ASB11: variants seen among roughly 807,000 people sequenced by gnomAD.
ASB11 encodes ankyrin repeat and SOCS box containing 11.
Under a neutral mutation model 20.1 loss-of-function variants are expected in ASB11, and 17 were observed. The observed-to-expected ratio is 0.85, with a 90% CI of 0.58 to 1.27. The LOEUF (loss-of-function observed/expected upper bound fraction) is 1.27. Ranked by LOEUF, ASB11 falls within the 50% of genes most tolerant of loss-of-function variation. The pLI, the probability that ASB11 is intolerant of heterozygous loss-of-function variation, is 0.00. For synonymous variants in ASB11, 107 were observed against 105.6 expected, an observed-to-expected ratio of 1.01 and a Z score of -0.08; for missense variants, 259 against 256.9, an observed-to-expected ratio of 1.01 and a Z score of -0.06.
intron 1 of ASB11, among the ~76,000 whole-genome samples, chrX:15,309,793 C>T (rs1440510664): frequency 1.9e-5 from 2 of 107,902 alleles, no homozygotes; most frequent in Non-Finnish European, 3.8e-5. Flanking sequence ...TGGTGAAACC[C>T]CATCTCTACT....
rs369699016 is a variant in ASB11 at position 15,293,349 on chromosome X, G to A, written c.370-29C>T. 9.3e-6 allele frequency: 11 copies of A among 1,177,282 alleles called. No individual in the cohort carries two copies. In the African/African-American group the frequency reaches 1.8e-4, roughly 19 times the overall value. On this transcript the variant is annotated intron_variant, in intron 3 of 6. Transcript: ENST00000480796. The stretch of plus-strand genomic sequence containing the variant: ...ATGATGGGCAAAGAGAGACCCAAAG[G>A]ATTTGTTATTTCATTCTCACCATCT...
intron 3 of ASB11, among the ~76,000 whole-genome samples, chrX:15,293,874 C>T (rs1003614966): frequency 4.4e-5 from 3 of 67,431 alleles, no homozygotes; most frequent in Non-Finnish European, 5.2e-5. Context: ...CATCACACAC[C>T]GGGGACTGTT....
intron 4 of ASB11, among the ~76,000 whole-genome samples, chrX:15,292,939 T>C (rs1408463021): frequency 8.9e-6 from 1 of 111,746 alleles, no homozygotes; most frequent in East Asian, 2.8e-4. Context: ...AAATGGGAAA[T>C]TGGAGTCAGG....
rs1241284600 is a variant in ASB11 at position 15,308,409 on chromosome X, C to T, written c.182-5602G>A. Among the ~76,000 whole-genome samples the T allele has an allele frequency of 5.4e-5, 6 of 111,533 alleles. No individual in the cohort carries two copies. In the Admixed American group the frequency reaches 5.7e-4, roughly 11 times the overall value. On this transcript the variant is annotated intron_variant, in intron 1 of 6. Transcript: ENST00000480796. ...TGGTTGTCCTGGGCTTCTCCCTCAC[C>T]ACATTGCTGCTTTCCAATTCTCTTC...
chrX:15,287,358 G>A (rs953260964), intron 6 of ASB11, among the ~76,000 whole-genome samples: 3 of 112,842 alleles, frequency 2.7e-5, no homozygotes, highest in Admixed American at 9.3e-5. Context: ...ACGGAGTCTC[G>A]CTCTGTCACC....
At chrX:15,308,146 A>T (rs1201821194) in intron 1 of ASB11, among the ~76,000 whole-genome samples, 1 of 112,309 alleles carries the variant, frequency 8.9e-6, no homozygotes, top group East Asian at 2.8e-4. Flanking sequence ...CTGGAAGAGG[A>T]GGCTGGTCCT....
intron 2 of ASB11, among the ~76,000 whole-genome samples, chrX:15,302,051 A>G (rs1253998988): frequency 9.0e-6 from 1 of 111,372 alleles, no homozygotes; most frequent in African/African-American, 3.3e-5. Context: ...AGGTTATAAA[A>G]CAACTGTGAC....
At position 15,307,294 on chromosome X, in the gene ASB11, A is replaced by G. The variant is rs187586083; in HGVS notation, c.182-4487T>C. Among the ~76,000 whole-genome samples the G allele has an allele frequency of 8.5e-3, 949 of 112,023 alleles. 7 individuals are homozygous for G. The highest frequency in any genetic ancestry group is 0.014 in the Non-Finnish European group (744 of 53,210). On this transcript the variant is annotated intron_variant, in intron 1 of 6. Transcript: ENST00000480796. ...AGAAGCCAGACACAAAAGAACATGTACCGTGTGATTTGGTTTCTATAAAGC... is the reference window on the plus strand; with the variant it reads ...AGAAGCCAGACACAAAAGAACATGTGCCGTGTGATTTGGTTTCTATAAAGC...
chrX:15,315,307 C>G (rs769350925), intron 1 of ASB11, 118 bp downstream of exon 1: 18 of 630,561 alleles, frequency 2.9e-5, no homozygotes, highest in African/African-American at 4.7e-5. Context: ...GACAATTTTT[C>G]AAACTACCCA....
intron 5 of ASB11, among the ~76,000 whole-genome samples, chrX:15,289,277 A>G (rs1927468538): frequency 8.9e-6 from 1 of 112,859 alleles, no homozygotes. Context: ...GCTGGCAGCT[A>G]TCTTGTGACA....
intron 1 of ASB11, 101 bp from the exon 2 acceptor site, chrX:15,302,908 G>A: frequency 1.5e-6 from 1 of 670,737 alleles, no homozygotes. Context: ...GGGAAGAGGA[G>A]GGAAGAGGAG....
intron 6 of ASB11, among the ~76,000 whole-genome samples, chrX:15,287,322 G>C (rs1927413989): frequency 8.9e-6 from 1 of 112,243 alleles, no homozygotes; most frequent in Non-Finnish European, 1.9e-5. Flanking sequence ...GTATAAACAA[G>C]GTTTTCTGGT....
chrX:15,295,193 C>A lies in ASB11; in HGVS notation c.370-1873G>T, dbSNP rs1479740847. ...AAGAAGCTGGGACTACAGGCGCGTG[C>A]CACCATGCCTAGCTAGTTTTTGTAT... On this transcript the variant is annotated intron_variant, in intron 3 of 6. Transcript: ENST00000480796. Among the ~76,000 whole-genome samples the A allele has an allele frequency of 5.4e-5, 6 of 110,603 alleles. No individual in the cohort carries two copies. The Admixed American group carries it at 5.8e-4, about 11-fold the overall frequency.
rs1927360090 is a variant in ASB11, at chrX:15,285,557, G to A, written c.848-1928C>T. 2.7e-5 allele frequency among the ~76,000 whole-genome samples: 3 copies of A among 111,969 alleles called. No homozygotes were observed. In the Admixed American group the frequency reaches 2.9e-4, roughly 11 times the overall value. Reference sequence around the variant, plus strand: ...AGTCCTAGAAACATTTTTGATGGAAGAAAATAGGAAATGTGAAAACTTCTA... The same window carrying A: ...AGTCCTAGAAACATTTTTGATGGAAAAAAATAGGAAATGTGAAAACTTCTA... On this transcript the variant is annotated intron_variant, in intron 6 of 6. Transcript: ENST00000480796.
At chrX:15,311,264 C>T (rs779180078) in intron 1 of ASB11, among the ~76,000 whole-genome samples, 9 of 112,472 alleles carry the variant, frequency 8.0e-5, no homozygotes, top group Non-Finnish European at 1.5e-4. Context: ...ACACAATTAA[C>T]TATGTTGCAG....
chrX:15,299,994 C>A (rs1167364375), intron 2 of ASB11, among the ~76,000 whole-genome samples: 1 of 112,253 alleles, frequency 8.9e-6, no homozygotes, highest in African/African-American at 3.2e-5. Context: ...CTCCTGAATT[C>A]TGTCTATTTT....
chrX:15,295,190 G>T (rs377707759), intron 3 of ASB11, among the ~76,000 whole-genome samples: 4 of 110,427 alleles, frequency 3.6e-5, no homozygotes, highest in East Asian at 5.7e-4. Context: ...CTACAGGCGC[G>T]TGCCACCATG....
intron 5 of ASB11, among the ~76,000 whole-genome samples, chrX:15,288,299 G>A (rs1376428886): frequency 8.9e-6 from 1 of 111,957 alleles, no homozygotes; most frequent in Admixed American, 9.5e-5. Flanking sequence ...TTAAATACTT[G>A]CTTTCCCGTA....
chrX:15,297,633 C>T lies in ASB11; in HGVS notation c.310G>A (p.Glu104Lys), dbSNP rs141242752. Residue 104 changes from glutamate (E) to lysine (K), a missense_variant, in exon 3 of 7, where the codon GAG becomes AAG. Glu to Lys is a moderately conservative substitution (Grantham distance 56). Transcript: ENST00000480796. ...GCCACGTGACCTCCAAGGCATGCCT[C>T]GTGGAGAGAAGACACCCGGTTAATT... ...VTINRVSSLH[E>K]ACLGGHVACA... The T allele has an allele frequency of 7.4e-6, 9 of 1,208,676 alleles. No individual in the cohort carries two copies. The highest frequency in any genetic ancestry group is 1.0e-5 in the Non-Finnish European group (9 of 894,437).
Sources: allele counts gnomAD v4.1 joint callset (sites outside exome capture counted in the v4.1 genomes callset), GRCh38; gene constraint gnomAD v4.1.1; transcripts MANE v1.5; gene names NCBI Gene and HGNC (gene_info 2026-07-23, HGNC 2026-07-21).